PBX1: variants seen among roughly 807,000 people sequenced by gnomAD.
The protein encoded by PBX1 is pre-B-cell leukemia transcription factor 1.
In PBX1, 6 loss-of-function variants were observed where a neutral mutation model predicts 53.4. The ratio of observed to expected loss-of-function variants is 0.11; its 90% CI spans 0.06 to 0.22. PBX1 has a LOEUF of 0.22. PBX1 is among the 10% of genes least tolerant of loss of function. PBX1 has a pLI of 1.00. For synonymous variants in PBX1, 204 were observed against 212.3 expected, an observed-to-expected ratio of 0.96 and a Z score of 0.34; for missense variants, 251 against 551.4, an observed-to-expected ratio of 0.46 and a Z score of 5.46.
chr1:164,773,476 T>A (rs1667488120), intron 2 of PBX1, among the ~76,000 whole-genome samples: 1 of 152,172 alleles, frequency 6.6e-6, no homozygotes, highest in Non-Finnish European at 1.5e-5. Context: ...ATCAGTTGTT[T>A]GAGAGTCTGG....
At chr1:164,566,065 C>T (rs1012302103) in intron 2 of PBX1, among the ~76,000 whole-genome samples, 2 of 151,994 alleles carry the variant, frequency 1.3e-5, no homozygotes, top group African/African-American at 4.8e-5. Flanking sequence ...TGCTTTTTTG[C>T]ATTTGTTAAT....
At chr1:164,875,499 C>A (rs558059944) in intron 2 of PBX1, among the ~76,000 whole-genome samples, 89 of 152,146 alleles carry the variant, frequency 5.8e-4, no homozygotes, top group African/African-American at 2.0e-3. Flanking sequence ...GACAGGGTCT[C>A]AGTTGCCTAG....
chr1:164,878,099 A>G (rs1571554379), intron 2 of PBX1, among the ~76,000 whole-genome samples: 1 of 152,140 alleles, frequency 6.6e-6, no homozygotes, highest in South Asian at 2.1e-4. Flanking sequence ...AGTGCTTAGT[A>G]TGTATTTTAT....
intron 2 of PBX1, among the ~76,000 whole-genome samples, chr1:164,573,821 C>T (rs1654039883): frequency 1.3e-5 from 2 of 152,198 alleles, no homozygotes; most frequent in South Asian, 4.1e-4. Context: ...TGCCATACTT[C>T]AAGTGCTCAA....
chr1:164,735,037 A>G (rs533888111), intron 2 of PBX1, among the ~76,000 whole-genome samples: 3 of 152,364 alleles, frequency 2.0e-5, no homozygotes, highest in South Asian at 2.1e-4. Flanking sequence ...TTGCTTGATT[A>G]TAGGTATTAT....
At chr1:164,560,124 T>C (rs1460163831) in intron 1 of PBX1, 111 bp downstream of exon 1, 2 of 821,264 alleles carry the variant, frequency 2.4e-6, no homozygotes. Context: ...AAAAATGTTA[T>C]TTCTTTTCTC....
At chr1:164,590,410 TCGC>T in intron 2 of PBX1, 1 of 455,904 alleles carries the variant, frequency 2.2e-6, no homozygotes, top group Non-Finnish European at 4.4e-6. Context: ...TTCTTCCCAA[TCGC>T]CGCCGCCCCC....
chr1:164,699,051 G>T (rs897205582), intron 2 of PBX1, among the ~76,000 whole-genome samples: 1 of 152,152 alleles, frequency 6.6e-6, no homozygotes, highest in Non-Finnish European at 1.5e-5. Flanking sequence ...GGAGACTCAA[G>T]AATTTAAAAA....
intron 2 of PBX1, among the ~76,000 whole-genome samples, chr1:164,873,617 G>C (rs546775623): frequency 1.3e-5 from 2 of 152,148 alleles, no homozygotes; most frequent in African/African-American, 4.8e-5. Flanking sequence ...CAGGGGTAGG[G>C]GTTGGTGGTG....
At chr1:164,659,272 C>A (rs1660348045) in intron 2 of PBX1, among the ~76,000 whole-genome samples, 1 of 152,114 alleles carries the variant, frequency 6.6e-6, no homozygotes, top group African/African-American at 2.4e-5. Context: ...GGGTGAAATA[C>A]CATTTGGAAT....
intron 2 of PBX1, among the ~76,000 whole-genome samples, chr1:164,731,954 C>T (rs1014877594): frequency 1.3e-5 from 2 of 152,122 alleles, no homozygotes; most frequent in African/African-American, 4.8e-5. Flanking sequence ...GGTCAGTGCT[C>T]AGGCCCTCAT....
intron 2 of PBX1, among the ~76,000 whole-genome samples, chr1:164,730,868 C>A (rs189561382): frequency 6.6e-5 from 10 of 152,324 alleles, no homozygotes; most frequent in Admixed American, 5.9e-4. Context: ...TTTGCCATCA[C>A]CCATCTGTAG....
At chr1:164,776,979 GGAGGTGT>G (rs1667700958) in intron 2 of PBX1, among the ~76,000 whole-genome samples, 1 of 76,056 alleles carries the variant, frequency 1.3e-5, no homozygotes, top group African/African-American at 9.8e-5. Flanking sequence ...GAGAGAGAGA[GGAGGTGT>G]GGGGGGGCGG....
rs1671729313 is a variant in PBX1, at chr1:164,849,497, C to G, written c.*2821C>G. The G allele has an allele frequency of 1.5e-5, 23 of 1,514,784 alleles. No individual in the cohort carries two copies. Among genetic ancestry groups the G allele is most frequent in the Non-Finnish European group, 1.9e-5 (21 of 1,129,766 alleles). 93.8% of individuals were successfully genotyped at this position (1,514,784 alleles called of 1,614,324 possible). A position where few individuals can be genotyped will look rare whatever the true frequency, so the allele number is the denominator to read the frequency against. On this transcript the variant is annotated 3_prime_UTR_variant, in exon 9 of 9. Coordinates refer to ENST00000420696, the MANE Select transcript of PBX1 (RefSeq NM_002585.4). ...CTGGAAACACAGCTTCCTGGGAATT[C>G]ACATGAGGCCAGTCCTACAGAGAGC...
intron 2 of PBX1, among the ~76,000 whole-genome samples, chr1:164,578,034 C>G (rs559029599): frequency 1.2e-4 from 18 of 152,150 alleles, no homozygotes; most frequent in African/African-American, 3.1e-4. Flanking sequence ...ATTTGGACAC[C>G]CCCATCCTCC....
At chr1:164,799,117 T>TA (rs1407355702) in intron 3 of PBX1, among the ~76,000 whole-genome samples, 1 of 152,186 alleles carries the variant, frequency 6.6e-6, no homozygotes, top group Non-Finnish European at 1.5e-5. Flanking sequence ...GTCATATTCT[T>TA]ACATTTTACT....
In PBX1 at chr1:164,844,156, G is replaced by C. The variant is rs1452178088; in HGVS notation, c.1201-2428G>C. ...TTACCAGAATTTTACTCTACTTCAT[G>C]ACATTGTACTTAAAAACTTAAAAAA... On this transcript the variant is annotated intron_variant, in intron 8 of 8. Coordinates refer to ENST00000420696, the MANE Select transcript of PBX1 (RefSeq NM_002585.4). 3.4e-5 allele frequency among the ~76,000 whole-genome samples: 4 copies of C among 117,048 alleles called. No homozygotes were observed. In the Admixed American group the frequency reaches 3.8e-4, roughly 11 times the overall value. The allele number at this position is 117,048 out of a possible 152,430, so 76.8% of individuals were successfully genotyped here. A position where few individuals can be genotyped will look rare whatever the true frequency, so the allele number is the denominator to read the frequency against.
chr1:164,666,427 A>G (rs985552195), intron 2 of PBX1, among the ~76,000 whole-genome samples: 22 of 152,194 alleles, frequency 1.4e-4, no homozygotes, highest in African/African-American at 5.1e-4. Flanking sequence ...TATTTAGCTA[A>G]TGCTTATGTT....
At chr1:164,856,192 A>T (rs879657865), downstream of PBX1, among the ~76,000 whole-genome samples, 5 of 152,248 alleles carry the variant, frequency 3.3e-5, no homozygotes, top group Admixed American at 3.3e-4. Context: ...ACCACTCCCC[A>T]CAAAGCCTCC....
Sources: gnomAD v4.1 joint callset for allele counts (sites outside exome capture counted in the v4.1 genomes callset) on GRCh38, gnomAD v4.1.1 for gene constraint, MANE v1.5 for transcripts, NCBI Gene and HGNC (gene_info 2026-07-23, HGNC 2026-07-21) for gene names.